MICAL3: variants seen among roughly 807,000 people sequenced by gnomAD.
The protein encoded by MICAL3 is [F-actin]-monooxygenase MICAL3.
In MICAL3, 62 loss-of-function variants were observed where a neutral mutation model predicts 207.4. The observed-to-expected ratio is 0.30, with a 90% CI of 0.24 to 0.37. MICAL3 has a LOEUF of 0.37. MICAL3 is among the 10% of genes least tolerant of loss of function. MICAL3 has a pLI of 1.00. For synonymous variants in MICAL3, 1,077 were observed against 1,069.3 expected (o/e 1.01, Z -0.14); for missense variants, 2,368 against 2,635.6 (o/e 0.90, Z 2.22).
intron 17 of MICAL3, among the ~76,000 whole-genome samples, chr22:17,867,595 C>T (rs1236416595): frequency 6.6e-6 from 1 of 152,240 alleles, no homozygotes; most frequent in African/African-American, 2.4e-5. Flanking sequence ...ACCAGTAACA[C>T]ATGACCCAGG....
At chr22:17,985,946 G>A (rs762518697) in intron 1 of MICAL3, among the ~76,000 whole-genome samples, 3 of 152,050 alleles carry the variant, frequency 2.0e-5, no homozygotes, top group South Asian at 2.1e-4. Context: ...TCACTCTGTC[G>A]CCCAGGGTGG....
In MICAL3 at chr22:17,818,472, C is replaced by T. The variant is rs199645457; in HGVS notation, c.4189G>A (p.Glu1397Lys). 1.6e-5 allele frequency: 25 copies of T among 1,612,828 alleles called. No homozygotes were observed. The highest frequency in any genetic ancestry group is 6.7e-5 in the African/African-American group (5 of 75,054). ...CGGGGGGTTGGCAGGGACAACGGCTCGCCTTCCGGCTTTGGCAGGCCCAGC... is the reference window on the plus strand; with the variant it reads ...CGGGGGGTTGGCAGGGACAACGGCTTGCCTTCCGGCTTTGGCAGGCCCAGC... ...KRLGLPKPEGEPLSLPTPRSP... is the reference protein window; with the variant it reads ...KRLGLPKPEGKPLSLPTPRSP... Residue 1397 changes from glutamate to lysine, a missense_variant, in exon 26 of 32, where the codon GAG (glutamate) becomes AAG (lysine). Physicochemically the swap from Glu to Lys is moderately conservative, Grantham distance 56. Transcript: ENST00000441493.
rs1177489370 is a variant in MICAL3 at position 17,900,773 on chromosome 22, C to A, written c.847+69G>T. On this transcript the variant is annotated intron_variant, in intron 6 of 31. Transcript: ENST00000441493. The surrounding 1 kb of genome is among the most constrained non-coding windows in gnomAD (Gnocchi z 4.0). Reference sequence around the variant, plus strand: ...ACCGACGGCCACTCACCCCACCAATCCCCCAAGAAAAAGCCACCAGGGACT... The same window carrying A: ...ACCGACGGCCACTCACCCCACCAATACCCCAAGAAAAAGCCACCAGGGACT... 3.5e-6 allele frequency: 5 copies of A among 1,447,640 alleles called. No individual in the cohort carries two copies. Among genetic ancestry groups the A allele is most frequent in the Non-Finnish European group, 4.8e-6 (5 of 1,038,416 alleles). The allele number at this position is 1,447,640 out of a possible 1,614,324, so 89.7% of individuals were successfully genotyped here.
intron 2 of MICAL3, among the ~76,000 whole-genome samples, chr22:17,905,077 C>T (rs943891740): frequency 1.3e-5 from 2 of 152,216 alleles, no homozygotes; most frequent in African/African-American, 4.8e-5. Flanking sequence ...GACACAAGCT[C>T]GGCACCTGTT....
At chr22:17,883,675 T>C (rs1390019104) in intron 16 of MICAL3, among the ~76,000 whole-genome samples, 1 of 152,238 alleles carries the variant, frequency 6.6e-6, no homozygotes. Context: ...TGCCCTATTC[T>C]GTACTACTTA....
rs776097493 is a variant in MICAL3, at chr22:17,818,112, C to T, written c.4549G>A (p.Val1517Met). ...EEVRKSFVES[V>M]EEIPFADDVE... is the part of the protein sequence containing the mutation. ...TCATCAGCAAAGGGAATCTCCTCCA[C>T]GCTCTCCACAAACGACTTCCGCACC... The change falls in exon 26 of 32, where the codon GTG (valine) becomes ATG (methionine). Residue 1517 changes from valine (V) to methionine (M), a missense_variant. Val to Met is a conservative substitution (Grantham distance 21). Transcript: ENST00000441493. The T allele has an allele frequency of 9.9e-6, 16 of 1,612,268 alleles. No individual in the cohort carries two copies. Among genetic ancestry groups the T allele is most frequent in the East Asian group, 2.2e-5 (1 of 44,866 alleles).
chr22:17,995,441 C>G (rs1046370110), intron 1 of MICAL3, among the ~76,000 whole-genome samples: 5 of 150,418 alleles, frequency 3.3e-5, no homozygotes, highest in African/African-American at 1.2e-4. Context: ...CCCAGCCTCT[C>G]AAAGTGCTGG....
At chr22:17,811,190 G>A (rs1409114221) in intron 27 of MICAL3, 1 of 164,288 alleles carries the variant, frequency 6.1e-6, no homozygotes, top group East Asian at 1.7e-4. Context: ...CCCAAATAAG[G>A]ATGTCTGGTC....
At chr22:17,987,801 C>T (rs1185846990) in intron 1 of MICAL3, among the ~76,000 whole-genome samples, 2 of 140,160 alleles carry the variant, frequency 1.4e-5, no homozygotes, top group Non-Finnish European at 3.2e-5. Context: ...TCAAATTGGT[C>T]TGAAAAAAAT....
At chr22:18,013,351 T>C (rs1490172687) in intron 1 of MICAL3, among the ~76,000 whole-genome samples, 1 of 152,248 alleles carries the variant, frequency 6.6e-6, no homozygotes, top group Non-Finnish European at 1.5e-5. Flanking sequence ...CCTAGAGGTG[T>C]ACTCTCTAAT....
intron 22 of MICAL3, among the ~76,000 whole-genome samples, chr22:17,825,521 C>G (rs927289435): frequency 2.0e-5 from 3 of 152,170 alleles, no homozygotes. Flanking sequence ...AGGAGCCAGC[C>G]GTCTCTGCGC....
At chr22:17,803,709 T>C (rs2061962293) in intron 29 of MICAL3, 2 of 488,588 alleles carry the variant, frequency 4.1e-6, no homozygotes, top group African/African-American at 2.1e-5. Context: ...CATTTGGTTA[T>C]TGGGTTGATT....
chr22:17,790,811 T>C lies in MICAL3; in HGVS notation c.5930A>G (p.Gln1977Arg). The change falls in exon 32 of 32, where the codon CAG (glutamine) becomes CGG (arginine). Residue 1977 changes from glutamine to arginine, a missense_variant. By Grantham distance (43) the Gln-to-Arg change is conservative. This residue lies in a region of MICAL3 where 1,770 missense variants were observed against 1,863.2 expected (regional missense o/e 0.95). Coordinates refer to ENST00000441493, the MANE Select transcript of MICAL3 (RefSeq NM_015241.3). ...GTCCTCCTCTCTCTCCCGGAGCCGCTGCTCCTCCAGCAGCGCCACCAGTGA... is the reference window on the plus strand; with the variant it reads ...GTCCTCCTCTCTCTCCCGGAGCCGCCGCTCCTCCAGCAGCGCCACCAGTGA... ...RDSLVALLEE[Q>R]RLREREEDKD... 6.2e-7 allele frequency: 1 copy of C among 1,613,756 alleles called. No individual in the cohort carries two copies.
intron 1 of MICAL3, among the ~76,000 whole-genome samples, chr22:17,951,379 G>A (rs757222556): frequency 4.6e-5 from 7 of 151,912 alleles, no homozygotes; most frequent in South Asian, 2.1e-4. Context: ...TACTATTGTC[G>A]GTGAAATTCA....
At chr22:17,856,767 G>A (rs981885605) in intron 19 of MICAL3, among the ~76,000 whole-genome samples, 1 of 152,002 alleles carries the variant, frequency 6.6e-6, no homozygotes, top group East Asian at 1.9e-4. Flanking sequence ...GACTACAGGC[G>A]CCCGCCACCG....
Position 17,864,516 on chromosome 22 carries a change from C to T in MICAL3, c.2605+383G>A, listed in dbSNP as rs949502038. On this transcript the variant is annotated intron_variant, in intron 19 of 31. Transcript: ENST00000441493. Reference sequence around the variant, plus strand: ...CCGAGTGGCCTTGGCCTCACCAGGGCGGGTGATGGGAGCAGTGTCTGAGCG... The same window carrying T: ...CCGAGTGGCCTTGGCCTCACCAGGGTGGGTGATGGGAGCAGTGTCTGAGCG... The T allele has an allele frequency of 8.2e-5, 117 of 1,433,044 alleles. No individual in the cohort carries two copies. The Middle Eastern group carries it at 1.8e-3, about 22-fold the overall frequency. 88.8% of individuals were successfully genotyped at this position (1,433,044 alleles called of 1,614,324 possible).
At chr22:17,887,009 A>T (rs1429959748) in intron 15 of MICAL3, among the ~76,000 whole-genome samples, 161 bp downstream of exon 15, 1 of 149,484 alleles carries the variant, frequency 6.7e-6, no homozygotes, top group Non-Finnish European at 1.5e-5. Context: ...AAAAAAAAAA[A>T]AAAAAAAGAA....
Position 17,817,833 on chromosome 22 carries a change from G to A in MICAL3, c.4828C>T (p.Arg1610Trp), listed in dbSNP as rs746775978. Reference protein sequence around the residue: ...REKSVKSQALRDAMARQLSRM... With the variant: ...REKSVKSQALWDAMARQLSRM... ...CTCAGCTGCCTGGCCATGGCGTCCC[G>A]CAGCGCCTGGCTCTTCACGGACTTC... The change falls in exon 26 of 32, where the codon CGG (arginine) becomes TGG (tryptophan). Residue 1610 changes from arginine (R) to tryptophan (W), a missense_variant. Arg to Trp is a moderately radical substitution (Grantham distance 101). This residue lies in a region of MICAL3 where 1,770 missense variants were observed against 1,863.2 expected (regional missense o/e 0.95). Coordinates refer to ENST00000441493, the MANE Select transcript of MICAL3 (RefSeq NM_015241.3). 24 of 1,611,208 alleles carry A rather than the reference G, an allele frequency of 1.5e-5. No homozygotes were observed. Among genetic ancestry groups the A allele is most frequent in the South Asian group, 4.4e-5 (4 of 90,922 alleles).
In MICAL3 at chr22:17,842,182, G is replaced by A. The variant is rs1924084942; in HGVS notation, c.2606-165C>T. On this transcript the variant is annotated intron_variant, in intron 19 of 31. Transcript: ENST00000441493. ...AGGCCAGAGAAGGACCCTGGCATGT[G>A]AGAGGGAATTTCACTCTGCAGGAGA... 3 of 646,624 alleles carry A rather than the reference G, an allele frequency of 4.6e-6. No individual in the cohort carries two copies. The South Asian group carries it at 5.7e-5, about 12-fold the overall frequency. The allele number at this position is 646,624 out of a possible 1,614,324, so 40.1% of individuals were successfully genotyped here.
Sources: allele counts gnomAD v4.1 joint callset (sites outside exome capture counted in the v4.1 genomes callset), GRCh38; gene constraint gnomAD v4.1.1; regional missense constraint gnomAD v4.1.1; non-coding constraint Gnocchi (gnomAD v3.1); transcripts MANE v1.5; gene names NCBI Gene and HGNC (gene_info 2026-07-23, HGNC 2026-07-21).